The following ARFGEF2 variants were observed in gnomAD, a reference collection of about 807,000 sequenced individuals.
ARFGEF2 encodes brefeldin A-inhibited guanine nucleotide-exchange protein 2.
ARFGEF2 carries 74 observed loss-of-function variants against 219.9 expected under a neutral mutation model. The observed-to-expected ratio is 0.34, with a 90% CI of 0.28 to 0.41. ARFGEF2 has a LOEUF of 0.41. Among genes scored for constraint, ARFGEF2 ranks in the 10% least tolerant of loss-of-function variants. ARFGEF2 has a pLI of 1.00. For synonymous variants in ARFGEF2, 733 were observed against 799.2 expected, an observed-to-expected ratio of 0.92 and a Z score of 1.40; for missense variants, 1,743 against 2,218.3, an observed-to-expected ratio of 0.79 and a Z score of 4.30.
rs778321168 is a variant in ARFGEF2 at position 48,985,666 on chromosome 20, C to T, written c.2276+53C>T. ...GATCATCTGTTTGCCTGCCTCAGAA[C>T]GCTAATTCTAATTTGGTTGGGGTTT... On this transcript the variant is annotated intron_variant, in intron 16 of 38. Transcript: ENST00000371917. 9.9e-5 allele frequency: 156 copies of T among 1,571,048 alleles called. 1 individual carries two copies. Among genetic ancestry groups the T allele is most frequent in the South Asian group, 2.7e-4 (24 of 89,140 alleles).
intron 26 of ARFGEF2, 95 bp downstream of exon 26, chr20:49,005,316 C>G (rs760089119): frequency 4.0e-6 from 6 of 1,481,624 alleles, no homozygotes; most frequent in Non-Finnish European, 5.6e-6. Flanking sequence ...TTTTTTTCCT[C>G]CCTTGTCAGT....
chr20:48,995,669 G>T, intron 22 of ARFGEF2, 114 bp from the exon 23 acceptor site: 1 of 935,208 alleles, frequency 1.1e-6, no homozygotes, highest in Non-Finnish European at 1.8e-6. Context: ...TTTTGAACTT[G>T]CAGAGTCATT....
intron 3 of ARFGEF2, among the ~76,000 whole-genome samples, chr20:48,950,189 C>T (rs892807567): frequency 6.6e-5 from 10 of 152,064 alleles, no homozygotes; most frequent in African/African-American, 2.4e-5. Flanking sequence ...AGAGAGGGCA[C>T]GTTCCAAGCA....
intron 10 of ARFGEF2, 81 bp downstream of exon 10, chr20:48,971,435 T>C: frequency 9.0e-7 from 1 of 1,115,474 alleles, no homozygotes; most frequent in South Asian, 1.4e-5. Flanking sequence ...TTGAGAATGC[T>C]GCTAATATTA....
chr20:48,991,795 C>G (rs1347833292), intron 21 of ARFGEF2, among the ~76,000 whole-genome samples: 1 of 152,056 alleles, frequency 6.6e-6, no homozygotes. Context: ...TATGGTACAG[C>G]ATTTTTTAGA....
intron 3 of ARFGEF2, among the ~76,000 whole-genome samples, chr20:48,944,481 C>G (rs1457584098): frequency 6.6e-6 from 1 of 152,026 alleles, no homozygotes; most frequent in Non-Finnish European, 1.5e-5. Flanking sequence ...AATGAAGTGA[C>G]CAGCCTAGTC....
At chr20:49,022,792 A>G (rs1185507835) in intron 34 of ARFGEF2, among the ~76,000 whole-genome samples, 1 of 151,442 alleles carries the variant, frequency 6.6e-6, no homozygotes, top group Admixed American at 6.6e-5. Context: ...TTTTTTGTCC[A>G]GTTTATTCAT....
intron 6 of ARFGEF2, among the ~76,000 whole-genome samples, chr20:48,960,207 A>G (rs992633560): frequency 2.0e-5 from 3 of 152,244 alleles, no homozygotes; most frequent in East Asian, 1.9e-4. Flanking sequence ...CTCCTAGGCT[A>G]TAAACCTGTA....
intron 1 of ARFGEF2, among the ~76,000 whole-genome samples, chr20:48,933,970 A>G (rs889749210): frequency 2.0e-5 from 3 of 151,968 alleles, no homozygotes; most frequent in Non-Finnish European, 4.4e-5. Flanking sequence ...AAATATAAAA[A>G]TTAACCGGGC....
intron 3 of ARFGEF2, among the ~76,000 whole-genome samples, chr20:48,948,071 C>T (rs1434863356): frequency 2.0e-5 from 3 of 152,096 alleles, no homozygotes; most frequent in Non-Finnish European, 4.4e-5. Flanking sequence ...TTTTTAAATG[C>T]ACAATGAAAA....
chr20:49,013,755 C>T (rs1378200321), intron 29 of ARFGEF2, 61 bp downstream of exon 29: 6 of 1,613,866 alleles, frequency 3.7e-6, no homozygotes, highest in Admixed American at 1.7e-5. Context: ...GTCACTTGCT[C>T]ACCTGACCCC....
In ARFGEF2 at chr20:48,963,207, A is replaced by G. The variant is rs149607101; in HGVS notation, c.839-623A>G. Among the ~76,000 whole-genome samples the G allele has an allele frequency of 2.3e-3, 347 of 151,688 alleles. 3 individuals carry two copies. Among genetic ancestry groups the G allele is most frequent in the African/African-American group, 7.7e-3 (317 of 41,316 alleles). On this transcript the variant is annotated intron_variant, in intron 6 of 38. Coordinates refer to ENST00000371917, the MANE Select transcript of ARFGEF2 (RefSeq NM_006420.3). Reference sequence around the variant, plus strand: ...AAAAAAAAGTAATGTTTACTTCTAAATATCTGGTCAAGAACTGTTTACTTT... The same window carrying G: ...AAAAAAAAGTAATGTTTACTTCTAAGTATCTGGTCAAGAACTGTTTACTTT...
At chr20:49,015,027 T>C (rs925518051) in intron 30 of ARFGEF2, among the ~76,000 whole-genome samples, 3 of 152,228 alleles carry the variant, frequency 2.0e-5, no homozygotes, top group Non-Finnish European at 4.4e-5. Flanking sequence ...CCAACACACG[T>C]ATATAAACTA....
chr20:48,928,260 G>A (rs1426554439), intron 1 of ARFGEF2, among the ~76,000 whole-genome samples: 1 of 140,362 alleles, frequency 7.1e-6, no homozygotes, highest in Non-Finnish European at 1.5e-5. Flanking sequence ...GTGCAGTGGC[G>A]CGATCTCGGC....
intron 1 of ARFGEF2, among the ~76,000 whole-genome samples, chr20:48,933,310 A>G (rs746404212): frequency 6.6e-6 from 1 of 152,108 alleles, no homozygotes; most frequent in Non-Finnish European, 1.5e-5. Flanking sequence ...GTCATCGTTG[A>G]GTGGCTCAGG....
chr20:48,988,539 A>G lies in ARFGEF2; in HGVS notation c.2410A>G (p.Ile804Val). The change falls in exon 18 of 39, where the codon ATC becomes GTC. Residue 804 changes from isoleucine (I) to valine (V), a missense_variant. Around this residue, in one of 5 missense-constraint regions of ARFGEF2, gnomAD observed 666 missense variants for 955.4 expected, o/e 0.70. Transcript: ENST00000371917. ...KEQYIKMNRG[I>V]NDSKDLPEEY... ...GCAGTATATTAAAATGAATCGGGGT[A>G]TCAATGATAGTAAAGATCTGCCAGA... 1.2e-6 allele frequency: 2 copies of G among 1,613,764 alleles called. No individual in the cohort carries two copies. Among genetic ancestry groups the G allele is most frequent in the Non-Finnish European group, 1.7e-6 (2 of 1,179,776 alleles).
chr20:48,941,715 T>C, intron 2 of ARFGEF2, 149 bp from the exon 3 acceptor site: 1 of 1,145,158 alleles, frequency 8.7e-7, no homozygotes, highest in Non-Finnish European at 1.3e-6. Context: ...GTGGTGTTTT[T>C]GCTAATGCAT....
chr20:48,932,862 ATT>A (rs925736685), intron 1 of ARFGEF2, among the ~76,000 whole-genome samples: 1 of 152,108 alleles, frequency 6.6e-6, no homozygotes, highest in Admixed American at 6.5e-5. Context: ...AGCTAAAGGA[ATT>A]TAGGGGCAGC....
intron 33 of ARFGEF2, among the ~76,000 whole-genome samples, chr20:49,018,443 C>G (rs1461196402): frequency 1.3e-5 from 2 of 152,132 alleles, no homozygotes; most frequent in Admixed American, 1.3e-4. Flanking sequence ...GCCATGTTGA[C>G]CAGGCTGGTC....
Sources: allele counts gnomAD v4.1 joint callset (sites outside exome capture counted in the v4.1 genomes callset), GRCh38; gene constraint gnomAD v4.1.1; regional missense constraint gnomAD v4.1.1; transcripts MANE v1.5; gene names NCBI Gene and HGNC (gene_info 2026-07-23, HGNC 2026-07-21).